The following IFTAP variants were observed in gnomAD, a reference collection of about 807,000 sequenced individuals.
The protein encoded by IFTAP is intraflagellar transport associated protein.
A neutral mutation model predicts 19.4 loss-of-function variants in IFTAP; 19 were observed. The ratio of observed to expected loss-of-function variants is 0.98; its 90% CI spans 0.68 to 1.44. The LOEUF (loss-of-function observed/expected upper bound fraction) is 1.44. Among genes scored for constraint, IFTAP ranks in the 40% most tolerant of loss-of-function variants. IFTAP has a pLI of 0.00. For synonymous variants in IFTAP, 85 were observed against 83.5 expected (o/e 1.02, Z -0.10); for missense variants, 240 against 253.6 (o/e 0.95, Z 0.36).
chr11:36,606,497 A>C (rs1437130941), intron 1 of IFTAP, among the ~76,000 whole-genome samples: 1 of 152,226 alleles, frequency 6.6e-6, no homozygotes, highest in Non-Finnish European at 1.5e-5. Flanking sequence ...ATATTGGGAT[A>C]ACCACACAAA....
intron 2 of IFTAP, among the ~76,000 whole-genome samples, chr11:36,627,489 A>C (rs1205552330): frequency 1.3e-5 from 2 of 151,236 alleles, no homozygotes; most frequent in Non-Finnish European, 2.9e-5. Flanking sequence ...TTGTCTGTAA[A>C]TATTACCTAT....
At chr11:36,652,472 T>C (rs1444264282) in intron 5 of IFTAP, among the ~76,000 whole-genome samples, 1 of 152,210 alleles carries the variant, frequency 6.6e-6, no homozygotes, top group Non-Finnish European at 1.5e-5. Context: ...TGGGGTTTTC[T>C]AGATAGACAA....
chr11:36,619,908 A>T (rs534550866), intron 2 of IFTAP, among the ~76,000 whole-genome samples: 1 of 152,194 alleles, frequency 6.6e-6, no homozygotes, highest in South Asian at 2.1e-4. Flanking sequence ...TAAAGAGAAG[A>T]TAATTGAAAA....
chr11:36,599,886 T>G (rs1851441211), intron 1 of IFTAP, among the ~76,000 whole-genome samples: 1 of 152,224 alleles, frequency 6.6e-6, no homozygotes, highest in African/African-American at 2.4e-5. Context: ...AATTGATATA[T>G]TGGATGTCTT....
At chr11:36,595,754 C>T (rs16929104) in intron 1 of IFTAP, among the ~76,000 whole-genome samples, 3,817 of 152,222 alleles carry the variant, frequency 0.025, 69 homozygotes, top group African/African-American at 0.048. Context: ...ATATAGTAGA[C>T]GATAGTTATG....
At chr11:36,638,259 A>G (rs754780929) in intron 4 of IFTAP, among the ~76,000 whole-genome samples, 17 of 152,096 alleles carry the variant, frequency 1.1e-4, no homozygotes, top group Non-Finnish European at 2.4e-4. Context: ...TTTTCTTTAA[A>G]TATTTTTTTC....
At chr11:36,656,616 A>G (rs1212462227) in intron 5 of IFTAP, among the ~76,000 whole-genome samples, 1 of 152,006 alleles carries the variant, frequency 6.6e-6, no homozygotes, top group Non-Finnish European at 1.5e-5. Context: ...TTTCCTCTCT[A>G]TGCTTCTGTT....
At chr11:36,621,682 TTGA>T in intron 2 of IFTAP, among the ~76,000 whole-genome samples, 1 of 152,020 alleles carries the variant, frequency 6.6e-6, no homozygotes, top group Non-Finnish European at 1.5e-5. Flanking sequence ...CATTTCAGTA[TTGA>T]TGATTCCTTC....
intron 5 of IFTAP, among the ~76,000 whole-genome samples, chr11:36,657,167 C>T (rs1273405853): frequency 6.6e-6 from 1 of 152,134 alleles, no homozygotes; most frequent in Non-Finnish European, 1.5e-5. Flanking sequence ...TATGTTTTGC[C>T]AGGATCAGCT....
At position 36,610,239 on chromosome 11, in the gene IFTAP, G is replaced by T. The variant is rs779293690; in HGVS notation, c.136G>T (p.Glu46Ter). 6.3e-6 allele frequency: 10 copies of T among 1,599,106 alleles called. No homozygotes were observed. The highest frequency in any genetic ancestry group is 8.5e-6 in the Non-Finnish European group (10 of 1,171,168). ...GAACACTTTTACTCATCTTTCACAAGGTAAAATGGAGAAGTAAACTTTCTG... is the reference window on the plus strand; with the variant it reads ...GAACACTTTTACTCATCTTTCACAATGTAAAATGGAGAAGTAAACTTTCTG... Reference protein sequence around the residue: ...FLNTFTHLSQEDHVSKRGVFG... With the variant: ...FLNTFTHLSQ Residue 46 changes from glutamate (E) to a stop codon, truncating the protein, a stop_gained and splice_region_variant, in exon 2 of 6, where the codon GAG (glutamate) becomes TAG (stop). Transcript: ENST00000334307. LOFTEE classifies it high-confidence loss of function.
chr11:36,627,914 T>C (rs1408681259), intron 2 of IFTAP, among the ~76,000 whole-genome samples: 2 of 151,282 alleles, frequency 1.3e-5, no homozygotes, highest in African/African-American at 4.9e-5. Flanking sequence ...AAAGATAACG[T>C]GATGATTCTG....
intron 5 of IFTAP, among the ~76,000 whole-genome samples, chr11:36,658,330 C>CT (rs58554210): frequency 0.14 from 22,041 of 152,016 alleles, 2,452 homozygotes; most frequent in East Asian, 0.6. Flanking sequence ...GGAAAATATG[C>CT]TTTTTTATCT....
At chr11:36,597,078 C>T (rs1243184213) in intron 1 of IFTAP, among the ~76,000 whole-genome samples, 1 of 152,158 alleles carries the variant, frequency 6.6e-6, no homozygotes, top group Non-Finnish European at 1.5e-5. Flanking sequence ...CCTCTTGTAA[C>T]ATGGTTCAAG....
intron 5 of IFTAP, among the ~76,000 whole-genome samples, chr11:36,652,985 G>A (rs939068287): frequency 6.6e-6 from 1 of 152,082 alleles, no homozygotes; most frequent in African/African-American, 2.4e-5. Flanking sequence ...ATGAAAATTT[G>A]TGATACCCAC....
chr11:36,648,012 A>C lies in IFTAP; in HGVS notation c.359-4A>C. The C allele has an allele frequency of 6.2e-7, 1 of 1,612,274 alleles. No individual in the cohort carries two copies. The highest frequency in any genetic ancestry group is 8.5e-7 in the Non-Finnish European group (1 of 1,178,962). On this transcript the variant is annotated splice_polypyrimidine_tract_variant and splice_region_variant and intron_variant, in intron 4 of 5. Transcript: ENST00000334307. ...GCTCAGTTGAAATGTTTTGTATCCAACAGATTTGCTGCTGCTTCCAGGAGA... is the reference window on the plus strand; with the variant it reads ...GCTCAGTTGAAATGTTTTGTATCCACCAGATTTGCTGCTGCTTCCAGGAGA...
At chr11:36,625,490 A>G (rs1852475536) in intron 2 of IFTAP, among the ~76,000 whole-genome samples, 2 of 152,182 alleles carry the variant, frequency 1.3e-5, no homozygotes, top group East Asian at 3.8e-4. Context: ...AATATCATTT[A>G]CCAGTGTTTT....
rs776971959 is a variant in IFTAP at position 36,659,042 on chromosome 11, T to G, written c.522T>G (p.Leu174=). Residue 174 remains leucine (L), a synonymous_variant, in exon 6 of 6, where the codon CTT becomes CTG. Coordinates refer to ENST00000334307, the MANE Select transcript of IFTAP (RefSeq NM_138787.4). ...AGATACTTGGAGATGAAGTTCAACT[T>G]TTTTCACTTGATGAAGAATTTGATT... ...TEEILGDEVQ[L]FSLDEEFDYD... is the part of the protein sequence containing the mutation. 1.9e-6 allele frequency: 3 copies of G among 1,602,052 alleles called. No homozygotes were observed. The highest frequency in any genetic ancestry group is 2.6e-6 in the Non-Finnish European group (3 of 1,174,666).
chr11:36,656,248 G>A (rs1853979585), intron 5 of IFTAP, among the ~76,000 whole-genome samples: 2 of 152,086 alleles, frequency 1.3e-5, no homozygotes, highest in South Asian at 4.1e-4. Context: ...GAGGCTAGTA[G>A]GATTTTCTGG....
chr11:36,612,101 T>C (rs1477200864), intron 2 of IFTAP, among the ~76,000 whole-genome samples: 1 of 152,066 alleles, frequency 6.6e-6, no homozygotes, highest in Non-Finnish European at 1.5e-5. Context: ...TTATAATACA[T>C]TTACTTTTAT....
Sources: gnomAD v4.1 joint callset for allele counts (sites outside exome capture counted in the v4.1 genomes callset) on GRCh38, gnomAD v4.1.1 for gene constraint, MANE v1.5 for transcripts, NCBI Gene and HGNC (gene_info 2026-07-23, HGNC 2026-07-21) for gene names.